The following HCRTR2 variants were observed in gnomAD, a reference collection of about 807,000 sequenced individuals.
HCRTR2 encodes the protein hypocretin receptor 2, also known as orexin receptor type 2.
HCRTR2 carries 22 observed loss-of-function variants against 49.0 expected under a neutral mutation model. The observed-to-expected ratio is 0.45, with a 90% CI of 0.32 to 0.64. HCRTR2 has a LOEUF of 0.64. Ranked by LOEUF, HCRTR2 falls within the 30% of genes least tolerant of loss-of-function variation. HCRTR2 has a pLI of 0.04. For missense variants in HCRTR2, 491 were observed against 559.4 expected (o/e 0.88, Z 1.23); for synonymous variants, 236 against 205.3 (o/e 1.15, Z -1.28).
chr6:55,229,468 C>A (rs759468711), intron 1 of HCRTR2, among the ~76,000 whole-genome samples: 2 of 152,146 alleles, frequency 1.3e-5, no homozygotes, highest in African/African-American at 4.8e-5. Flanking sequence ...TTGCAGTAGT[C>A]TTCACAAAAC....
At chr6:55,197,396 A>C (rs566160540) in intron 1 of HCRTR2, among the ~76,000 whole-genome samples, 2 of 152,268 alleles carry the variant, frequency 1.3e-5, no homozygotes, top group Non-Finnish European at 2.9e-5. Context: ...ACATAGGCCC[A>C]AATATAACTC....
chr6:55,132,694 G>A (rs1764375253), intron 1 of HCRTR2, among the ~76,000 whole-genome samples: 1 of 150,964 alleles, frequency 6.6e-6, no homozygotes, highest in Non-Finnish European at 1.5e-5. Context: ...GCAAAGGAAT[G>A]GGACAGTGGA....
intron 1 of HCRTR2, among the ~76,000 whole-genome samples, chr6:55,221,812 C>CAAAAAAAAAAAAA (rs140340337): frequency 7.8e-6 from 1 of 128,054 alleles, no homozygotes; most frequent in African/African-American, 3.0e-5. Context: ...GACTCCATCT[C>CAAAAAAAAAAAAA]AAAAAAAAAA....
chr6:55,127,803 C>T (rs190357226), intron 1 of HCRTR2, among the ~76,000 whole-genome samples: 1 of 90,060 alleles, frequency 1.1e-5, no homozygotes, highest in Admixed American at 8.7e-5. Flanking sequence ...CATCAATGTC[C>T]AAAAGGAGAC....
At position 55,184,127 on chromosome 6, in the gene HCRTR2, C is replaced by T. The variant is rs117419385; in HGVS notation, c.223+9317C>T. Among the ~76,000 whole-genome samples the T allele has an allele frequency of 7.1e-3, 1,087 of 152,144 alleles. 27 individuals carry two copies. Among genetic ancestry groups the T allele is most frequent in the East Asian group, 0.056 (291 of 5,152 alleles). On this transcript the variant is annotated intron_variant, in intron 1 of 6. Coordinates refer to ENST00000370862, the MANE Select transcript of HCRTR2 (RefSeq NM_001384272.1). ...AATTCTTAGTAGAGATGGGATTTCA[C>T]CGTGTTGCTCAGACTGATCTTTAAC... is the stretch of plus-strand genomic sequence containing the variant.
intron 1 of HCRTR2, among the ~76,000 whole-genome samples, chr6:55,239,979 G>A (rs1050697317): frequency 6.6e-6 from 1 of 151,886 alleles, no homozygotes; most frequent in Admixed American, 6.6e-5. Context: ...GTTTCGCCAT[G>A]TTGGCCAGGC....
chr6:55,198,814 G>C (rs2127282711), intron 1 of HCRTR2, among the ~76,000 whole-genome samples: 1 of 152,222 alleles, frequency 6.6e-6, no homozygotes, highest in South Asian at 2.1e-4. Flanking sequence ...ACAAATACCT[G>C]GATTCCCTAG....
At chr6:55,268,304 A>G (rs1181366165) in intron 4 of HCRTR2, among the ~76,000 whole-genome samples, 2 of 152,128 alleles carry the variant, frequency 1.3e-5, no homozygotes, top group East Asian at 1.9e-4. Flanking sequence ...GAGATACAAT[A>G]TATATAAGTC....
chr6:55,254,930 A>G (rs115625023), intron 2 of HCRTR2, among the ~76,000 whole-genome samples: 1,975 of 152,240 alleles, frequency 0.013, 43 homozygotes, highest in African/African-American at 0.046. Context: ...TTAACAATAA[A>G]TTTACATTTA....
intron 1 of HCRTR2, among the ~76,000 whole-genome samples, chr6:55,196,425 C>T (rs1311996157): frequency 6.6e-6 from 1 of 152,170 alleles, no homozygotes; most frequent in Non-Finnish European, 1.5e-5. Context: ...AACCTTTAGC[C>T]ACTTGGGATG....
Position 55,211,014 on chromosome 6 carries a change from T to C in HCRTR2, c.223+36204T>C, listed in dbSNP as rs369545111. 7.0e-4 allele frequency among the ~76,000 whole-genome samples: 107 copies of C among 152,288 alleles called. 3 individuals are homozygous for C. In the South Asian group the frequency reaches 0.017, roughly 24 times the overall value. On this transcript the variant is annotated intron_variant, in intron 1 of 6. Transcript: ENST00000370862. ...TTTTCTATGTTTAGATATGTTCAGA[T>C]ACACAAATGCTTATCATTGTGTTAT...
chr6:55,153,839 G>T (rs1764694912), intron 1 of HCRTR2, among the ~76,000 whole-genome samples: 1 of 151,618 alleles, frequency 6.6e-6, no homozygotes, highest in Admixed American at 6.6e-5. Context: ...ATTAGAAAAA[G>T]TGGACAAAAC....
rs562865284 is a variant in HCRTR2 at position 55,139,861 on chromosome 6, C to T, written c.-378+33316C>T. 7.0e-4 allele frequency among the ~76,000 whole-genome samples: 106 copies of T among 152,240 alleles called. 3 individuals carry two copies. The South Asian group carries it at 0.021, about 30-fold the overall frequency. The stretch of plus-strand genomic sequence containing the variant: ...AAAGTAGGTAGACTCAGAAGATGAC[C>T]ATTTGAGATTTTTTTCTAGAAAGTG... On this transcript the variant is annotated intron_variant, in intron 1 of 7. Coordinates refer to the HCRTR2 transcript ENST00000615358.
chr6:55,110,850 T>TTAGA (rs1554165434), intron 1 of HCRTR2, among the ~76,000 whole-genome samples: 3 of 151,226 alleles, frequency 2.0e-5, no homozygotes, highest in Non-Finnish European at 3.0e-5. Flanking sequence ...AACAATGGAC[T>TTAGA]TAAAGTATAC....
chr6:55,143,808 C>A (rs1764542068), intron 1 of HCRTR2, among the ~76,000 whole-genome samples: 1 of 152,090 alleles, frequency 6.6e-6, no homozygotes, highest in Non-Finnish European at 1.5e-5. Flanking sequence ...GTGGGTAGAG[C>A]CAAAATATGA....
intron 1 of HCRTR2, among the ~76,000 whole-genome samples, chr6:55,145,314 T>C (rs1764563928): frequency 6.6e-6 from 1 of 152,088 alleles, no homozygotes; most frequent in African/African-American, 2.4e-5. Flanking sequence ...TGCATGTCAA[T>C]GTCTACTCAT....
Position 55,115,623 on chromosome 6 carries a change from A to G in HCRTR2, c.-378+9078A>G, listed in dbSNP as rs552572858. Reference sequence around the variant, plus strand: ...CCATTTTATTCCAGTGGAATTTTAGAATGGTAGTTACCATTTTTATTGTTG... The same window carrying G: ...CCATTTTATTCCAGTGGAATTTTAGGATGGTAGTTACCATTTTTATTGTTG... On this transcript the variant is annotated intron_variant, in intron 1 of 7. Transcript: ENST00000615358. Among the ~76,000 whole-genome samples the G allele has an allele frequency of 2.0e-5, 3 of 151,690 alleles. No individual in the cohort carries two copies. In the South Asian group the frequency reaches 6.2e-4, roughly 32 times the overall value.
chr6:55,284,637 A>C (rs2127337141), downstream of HCRTR2, among the ~76,000 whole-genome samples: 1 of 152,242 alleles, frequency 6.6e-6, no homozygotes, highest in Admixed American at 6.5e-5. Context: ...GAAGCTGAGT[A>C]TCAATGTTGA....
intron 1 of HCRTR2, among the ~76,000 whole-genome samples, chr6:55,133,261 A>T (rs1348685647): frequency 6.6e-6 from 1 of 151,690 alleles, no homozygotes; most frequent in African/African-American, 2.4e-5. Flanking sequence ...TCTTGTTTTC[A>T]GTCCTTTCTC....
Sources: allele counts gnomAD v4.1 joint callset (sites outside exome capture counted in the v4.1 genomes callset), GRCh38; gene constraint gnomAD v4.1.1; transcripts MANE v1.5; gene names NCBI Gene and HGNC (gene_info 2026-07-23, HGNC 2026-07-21).